Variants in TENT4A observed in about 807,000 individuals in gnomAD.
TENT4A encodes DNA polymerase kappa.
TENT4A carries 7 observed loss-of-function variants against 72.8 expected under a neutral mutation model. The ratio of observed to expected loss-of-function variants is 0.10; its 90% CI spans 0.05 to 0.18. The LOEUF is 0.18. Ranked by LOEUF, TENT4A falls within the 10% of genes least tolerant of loss-of-function variation. The probability of loss-of-function intolerance (pLI) is 1.00; values close to 1 mark genes in which losing one functional copy is unlikely to be tolerated. For synonymous variants in TENT4A, 456 were observed against 434.3 expected (o/e 1.05, Z -0.62); for missense variants, 831 against 1,017.7 (o/e 0.82, Z 2.50).
chr5:6,740,237 T>C (rs764987013), intron 4 of TENT4A, among the ~76,000 whole-genome samples: 27 of 152,200 alleles, frequency 1.8e-4, no homozygotes, highest in South Asian at 8.3e-4. Context: ...TTTTTATGAT[T>C]ACCATTTGCT....
intron 10 of TENT4A, 35 bp from the exon 11 acceptor site, chr5:6,751,004 C>T: frequency 1.2e-6 from 2 of 1,611,032 alleles, no homozygotes; most frequent in Non-Finnish European, 1.7e-6. Flanking sequence ...CTTTGTGGTA[C>T]AGCTGTCCTT....
chr5:6,756,713 A>C lies in TENT4A; in HGVS notation c.*1768A>C, dbSNP rs1742720398. 6.5e-6 allele frequency: 1 copy of C among 152,686 alleles called. No individual in the cohort carries two copies. The highest frequency in any genetic ancestry group is 1.5e-5 in the Non-Finnish European group (1 of 68,048). 9.5% of individuals were successfully genotyped at this position (152,686 alleles called of 1,614,324 possible). On this transcript the variant is annotated 3_prime_UTR_variant, in exon 13 of 13. Transcript: ENST00000230859. ...AACCTATTGATAAAGAATATTTATA[A>C]AAACTGATCTGTAGGCCTGTACTAA...
intron 1 of TENT4A, among the ~76,000 whole-genome samples, chr5:6,729,221 T>C (rs1561030936): frequency 6.6e-6 from 1 of 152,254 alleles, no homozygotes; most frequent in Non-Finnish European, 1.5e-5. Context: ...CCAGTTACCA[T>C]ATGTCTAATG....
chr5:6,725,977 C>T (rs1048981719), intron 1 of TENT4A, among the ~76,000 whole-genome samples: 5 of 152,316 alleles, frequency 3.3e-5, no homozygotes, highest in Middle Eastern at 6.8e-3. Flanking sequence ...AGTGCAGCAA[C>T]GTCAGAGTAA....
At chr5:6,750,195 A>T in intron 9 of TENT4A, 136 bp from the exon 10 acceptor site, 1 of 522,640 alleles carries the variant, frequency 1.9e-6, no homozygotes, top group Non-Finnish European at 3.2e-6. Context: ...AAATTAAATT[A>T]GGCAAAACCT....
intron 1 of TENT4A, among the ~76,000 whole-genome samples, chr5:6,718,317 C>A (rs987484353): frequency 1.3e-5 from 2 of 152,132 alleles, no homozygotes; most frequent in South Asian, 2.1e-4. Context: ...CAACCAGGAT[C>A]CCCCCTCTCC....
At chr5:6,737,171 T>C (rs1741553383) in intron 1 of TENT4A, among the ~76,000 whole-genome samples, 2 of 152,260 alleles carry the variant, frequency 1.3e-5, no homozygotes, top group South Asian at 4.1e-4. Context: ...TGCCTAACTG[T>C]GCCACATTCA....
chr5:6,741,356 T>TA (rs1212897817), intron 4 of TENT4A, among the ~76,000 whole-genome samples: 1 of 152,152 alleles, frequency 6.6e-6, no homozygotes, highest in Admixed American at 6.5e-5. Context: ...AAAACTGTGT[T>TA]ACAGTGTTAA....
chr5:6,717,835 A>G (rs760658708), intron 1 of TENT4A, among the ~76,000 whole-genome samples: 1 of 145,910 alleles, frequency 6.9e-6, no homozygotes, highest in Admixed American at 6.8e-5. Context: ...GGCTGTTGTT[A>G]CTTTGTCATG....
chr5:6,724,903 G>A (rs944148023), intron 1 of TENT4A, among the ~76,000 whole-genome samples: 7 of 152,192 alleles, frequency 4.6e-5, no homozygotes, highest in Non-Finnish European at 8.8e-5. Flanking sequence ...CAGCTGGCCT[G>A]GGGTCACACA....
chr5:6,734,096 A>G (rs1008106371), intron 1 of TENT4A, among the ~76,000 whole-genome samples: 43 of 152,216 alleles, frequency 2.8e-4, no homozygotes, highest in African/African-American at 9.6e-4. Context: ...TGCACAGGCA[A>G]GCGCTGTTCT....
intron 11 of TENT4A, among the ~76,000 whole-genome samples, chr5:6,752,226 T>C (rs897761338): frequency 6.6e-6 from 1 of 152,248 alleles, no homozygotes; most frequent in Non-Finnish European, 1.5e-5. Flanking sequence ...AGAGCCACAC[T>C]CTGCGGCTGC....
At chr5:6,720,675 A>AAAATAAAT (rs141500932) in intron 1 of TENT4A, among the ~76,000 whole-genome samples, 5,658 of 140,138 alleles carry the variant, frequency 0.04, 145 homozygotes, top group Middle Eastern at 0.058. Context: ...ACTCTGTCTC[A>AAAATAAAT]AAATAAATAA....
intron 8 of TENT4A, 144 bp from the exon 9 acceptor site, chr5:6,749,413 T>C (rs1442412393): frequency 9.4e-6 from 6 of 637,074 alleles, no homozygotes; most frequent in African/African-American, 9.1e-5. Flanking sequence ...TCAGAGATAT[T>C]TGTCAACGTA....
intron 4 of TENT4A, among the ~76,000 whole-genome samples, chr5:6,741,057 C>A (rs761699249): frequency 5.9e-5 from 9 of 152,184 alleles, no homozygotes; most frequent in Non-Finnish European, 1.2e-4. Context: ...CCTGACCAGG[C>A]GACCACCTTT....
chr5:6,749,960 C>T (rs1354704710), intron 9 of TENT4A, among the ~76,000 whole-genome samples: 1 of 152,164 alleles, frequency 6.6e-6, no homozygotes, highest in Non-Finnish European at 1.5e-5. Context: ...ATGTAATCAA[C>T]ATAAAAATAA....
chr5:6,750,310 C>A, intron 9 of TENT4A, 21 bp from the exon 10 acceptor site: 1 of 1,594,794 alleles, frequency 6.3e-7, no homozygotes, highest in South Asian at 1.1e-5. Flanking sequence ...AGTTATTAAC[C>A]AAGGCTTTTT....
In TENT4A at chr5:6,733,016, C is replaced by T. The variant is rs1305332850; in HGVS notation, c.717-4494C>T. Among the ~76,000 whole-genome samples, 5 of 152,218 alleles carry T rather than the reference C, an allele frequency of 3.3e-5. No homozygotes were observed. The East Asian group carries it at 5.8e-4, about 18-fold the overall frequency. Reference sequence around the variant, plus strand: ...ACGGAGCAGTTGGAAGCTCTGCTTCCGGTTCTGGGGGCAGTGTTCCTGGCG... The same window carrying T: ...ACGGAGCAGTTGGAAGCTCTGCTTCTGGTTCTGGGGGCAGTGTTCCTGGCG... On this transcript the variant is annotated intron_variant, in intron 1 of 12. Transcript: ENST00000230859.
chr5:6,740,486 G>T (rs1207983146), intron 4 of TENT4A, among the ~76,000 whole-genome samples: 14 of 152,302 alleles, frequency 9.2e-5, no homozygotes, highest in Middle Eastern at 3.4e-3. Flanking sequence ...TTTTAAATTT[G>T]TGTGTCAACT....
Sources: gnomAD v4.1 joint callset for allele counts (sites outside exome capture counted in the v4.1 genomes callset) on GRCh38, gnomAD v4.1.1 for gene constraint, MANE v1.5 for transcripts, NCBI Gene and HGNC (gene_info 2026-07-23, HGNC 2026-07-21) for gene names.